MAPKAPK5: variants seen among roughly 807,000 people sequenced by gnomAD.
MAPKAPK5 encodes MAP kinase-activated protein kinase 5.
Under a neutral mutation model 65.1 loss-of-function variants are expected in MAPKAPK5, and 30 were observed. The ratio of observed to expected loss-of-function variants is 0.46; its 90% confidence interval spans 0.34 to 0.63. MAPKAPK5 has a LOEUF of 0.63. MAPKAPK5 is among the 20% of genes least tolerant of loss of function. MAPKAPK5 has a pLI of 0.01. For synonymous variants in MAPKAPK5, 179 were observed against 204.6 expected (o/e 0.87, Z 1.07); for missense variants, 433 against 581.4 (o/e 0.74, Z 2.63).
At chr12:111,863,756 G>A (rs1436402504) in intron 1 of MAPKAPK5, among the ~76,000 whole-genome samples, 4 of 151,902 alleles carry the variant, frequency 2.6e-5, no homozygotes, top group Admixed American at 2.0e-4. Context: ...ACAGGCATGC[G>A]CCACCATGCC....
rs2070920497 is a variant in MAPKAPK5, at chr12:111,898,942, G to GAGTT, written c.*5883_*5886dup. 6.6e-6 allele frequency: 1 copy of GAGTT among 152,076 alleles called. No individual in the cohort carries two copies. Among genetic ancestry groups the GAGTT allele is most frequent in the Non-Finnish European group, 1.5e-5 (1 of 68,052 alleles). 9.4% of individuals were successfully genotyped at this position (152,076 alleles called of 1,614,324 possible). On this transcript the variant is annotated 3_prime_UTR_variant, in exon 14 of 14. Coordinates refer to ENST00000550735, the MANE Select transcript of MAPKAPK5 (RefSeq NM_003668.4). ...GAGGATAAAGAATAATTTGCCTGAGGAGTTACAGTACTGGCTGGATCACTA... is the reference window on the plus strand; with the variant it reads ...GAGGATAAAGAATAATTTGCCTGAGGAGTTAGTTACAGTACTGGCTGGATCACTA...
rs998925798 is a variant in MAPKAPK5, at chr12:111,900,035, A to G, written c.*6974A>G. 9 of 455,988 alleles carry G rather than the reference A, an allele frequency of 2.0e-5. No individual in the cohort carries two copies. The highest frequency in any genetic ancestry group is 4.0e-5 in the Non-Finnish European group (9 of 226,816). 28.2% of individuals were successfully genotyped at this position (455,988 alleles called of 1,614,324 possible). A position where few individuals can be genotyped will look rare whatever the true frequency, so the allele number is the denominator to read the frequency against. The stretch of plus-strand genomic sequence containing the variant: ...GTAACGTCAATGAGACGGTCCAGAC[A>G]GTAGTGGATGTCATTGCTCTGGCCA... On this transcript the variant is annotated 3_prime_UTR_variant, in exon 14 of 14. Transcript: ENST00000550735.
intron 7 of MAPKAPK5, among the ~76,000 whole-genome samples, chr12:111,875,778 G>C (rs970446966): frequency 6.6e-6 from 1 of 152,126 alleles, no homozygotes; most frequent in African/African-American, 2.4e-5. Flanking sequence ...TTACCCAAAT[G>C]GCATGTGATA....
chr12:111,868,938 G>T, intron 5 of MAPKAPK5, 77 bp downstream of exon 5: 1 of 1,118,208 alleles, frequency 8.9e-7, no homozygotes, highest in South Asian at 1.4e-5. Context: ...GGGAAGAAAA[G>T]AAAACTTAAA....
intron 1 of MAPKAPK5, among the ~76,000 whole-genome samples, chr12:111,857,914 T>A (rs2069298173): frequency 6.6e-6 from 1 of 151,966 alleles, no homozygotes; most frequent in African/African-American, 2.4e-5. Context: ...TGTGTGTGTG[T>A]GTGAGACAGG....
chr12:111,876,798 T>C (rs1000780130), intron 7 of MAPKAPK5, among the ~76,000 whole-genome samples: 77 of 152,126 alleles, frequency 5.1e-4, no homozygotes, highest in African/African-American at 1.8e-3. Context: ...CCTTCTGATA[T>C]ATACTCAATA....
chr12:111,854,540 G>T (rs1012759438), intron 1 of MAPKAPK5, among the ~76,000 whole-genome samples: 1 of 151,290 alleles, frequency 6.6e-6, no homozygotes, highest in Non-Finnish European at 1.5e-5. Context: ...TGCTCGGCCA[G>T]TAATGATTTT....
chr12:111,867,736 CT>C, intron 4 of MAPKAPK5, 67 bp downstream of exon 4: 1 of 1,167,704 alleles, frequency 8.6e-7, no homozygotes, highest in Non-Finnish European at 1.3e-6. Flanking sequence ...GCTGTCCTCT[CT>C]TTTATGTGCT....
Position 111,900,975 on chromosome 12 carries a change from A to G in MAPKAPK5, c.*7914A>G, listed in dbSNP as rs1385422276. ...AGGGGACCAATTTGGAAACTGTGGC[A>G]TTTCTACCAGTCCTGGGTCACAATA... On this transcript the variant is annotated 3_prime_UTR_variant, in exon 14 of 14. Transcript: ENST00000550735. The G allele has an allele frequency of 6.6e-6, 3 of 455,968 alleles. No individual in the cohort carries two copies. Among genetic ancestry groups the G allele is most frequent in the Non-Finnish European group, 1.3e-5 (3 of 226,808 alleles). 28.2% of individuals were successfully genotyped at this position (455,968 alleles called of 1,614,324 possible). A position where few individuals can be genotyped will look rare whatever the true frequency, so the allele number is the denominator to read the frequency against.
chr12:111,894,546 G>GT lies in MAPKAPK5; in HGVS notation c.*1496dup, dbSNP rs531065901. On this transcript the variant is annotated 3_prime_UTR_variant, in exon 14 of 14. Coordinates refer to ENST00000550735, the MANE Select transcript of MAPKAPK5 (RefSeq NM_003668.4). ...TATCATGTAAGATGATCCAGTTTTG[G>GT]TTTTTTTTTTTATAAGGCTGCCCTG... is the stretch of plus-strand genomic sequence containing the variant. 1,311 of 145,500 alleles carry GT rather than the reference G, an allele frequency of 9.0e-3. 16 individuals are homozygous for GT. The highest frequency in any genetic ancestry group is 0.028 in the African/African-American group (1,121 of 40,022). 9.0% of individuals were successfully genotyped at this position (145,500 alleles called of 1,614,324 possible).
chr12:111,900,146 G>A lies in MAPKAPK5; in HGVS notation c.*7085G>A. On this transcript the variant is annotated 3_prime_UTR_variant, in exon 14 of 14. Transcript: ENST00000550735. Reference sequence around the variant, plus strand: ...AGGGGGACCTAATAGATGTCACAGTGGACTTGCAAATCACACTCAGGAATT... The same window carrying A: ...AGGGGGACCTAATAGATGTCACAGTAGACTTGCAAATCACACTCAGGAATT... The A allele has an allele frequency of 2.2e-6, 1 of 456,000 alleles. No individual in the cohort carries two copies. Among genetic ancestry groups the A allele is most frequent in the Non-Finnish European group, 4.4e-6 (1 of 226,768 alleles). The allele number at this position is 456,000 out of a possible 1,614,324, so 28.2% of individuals were successfully genotyped here. A position where few individuals can be genotyped will look rare whatever the true frequency, so the allele number is the denominator to read the frequency against.
In MAPKAPK5 at chr12:111,899,626, A is replaced by AT; in HGVS notation, c.*6566dup. ...AAGGTGAAGAGAAACCATTTTGTGAATAACTTTCCAGTCTACAGTTACCAC... is the reference window on the plus strand; with the variant it reads ...AAGGTGAAGAGAAACCATTTTGTGAATTAACTTTCCAGTCTACAGTTACCAC... On this transcript the variant is annotated 3_prime_UTR_variant, in exon 14 of 14. Coordinates refer to ENST00000550735, the MANE Select transcript of MAPKAPK5 (RefSeq NM_003668.4). The AT allele has an allele frequency of 3.8e-6, 1 of 261,524 alleles. No homozygotes were observed. Among genetic ancestry groups the AT allele is most frequent in the South Asian group, 4.2e-5 (1 of 23,658 alleles). 16.2% of individuals were successfully genotyped at this position (261,524 alleles called of 1,614,324 possible).
intron 1 of MAPKAPK5, chr12:111,843,109 A>G: frequency 5.0e-6 from 2 of 398,704 alleles, no homozygotes; most frequent in Non-Finnish European, 8.8e-6. Flanking sequence ...CAAGGCCGCC[A>G]GCATTTGCTT....
At position 111,893,885 on chromosome 12, in the gene MAPKAPK5, T is replaced by A. The variant is rs1487512459; in HGVS notation, c.*824T>A. 6.6e-6 allele frequency: 1 copy of A among 151,338 alleles called. No individual in the cohort carries two copies. 9.4% of individuals were successfully genotyped at this position (151,338 alleles called of 1,614,324 possible). On this transcript the variant is annotated 3_prime_UTR_variant, in exon 14 of 14. Transcript: ENST00000550735. Reference sequence around the variant, plus strand: ...TGCCCGCCACCACGCCTGGCTAATTTTTGTATTTTTAGTAGAGACAGGGTT... The same window carrying A: ...TGCCCGCCACCACGCCTGGCTAATTATTGTATTTTTAGTAGAGACAGGGTT...
chr12:111,848,344 CTT>C (rs2068965095), intron 1 of MAPKAPK5, among the ~76,000 whole-genome samples: 2 of 150,968 alleles, frequency 1.3e-5, no homozygotes, highest in African/African-American at 4.9e-5. Flanking sequence ...TGTTGGACAT[CTT>C]TTTGTGTGCA....
rs1410910991 is a variant in MAPKAPK5 at position 111,899,139 on chromosome 12, A to T, written c.*6078A>T. On this transcript the variant is annotated 3_prime_UTR_variant, in exon 14 of 14. Transcript: ENST00000550735. Reference sequence around the variant, plus strand: ...CTGTAAGAATCAGAGTTGGGCAAGAACTGCCAATAAGGGAGCCAGCGTAGA... The same window carrying T: ...CTGTAAGAATCAGAGTTGGGCAAGATCTGCCAATAAGGGAGCCAGCGTAGA... 6.6e-6 allele frequency: 1 copy of T among 152,266 alleles called. No homozygotes were observed. Among genetic ancestry groups the T allele is most frequent in the African/African-American group, 2.4e-5 (1 of 41,462 alleles). The allele number at this position is 152,266 out of a possible 1,614,324, so 9.4% of individuals were successfully genotyped here.
Position 111,901,989 on chromosome 12 carries a change from T to TA in MAPKAPK5, c.*8929dup, listed in dbSNP as rs779389061. ...CCTTGTCTTTTTGGCCCAATTGTTT[T>TA]AGTCACCAGAAACTTTTTCAGGACA... On this transcript the variant is annotated 3_prime_UTR_variant, in exon 14 of 14. Coordinates refer to ENST00000550735, the MANE Select transcript of MAPKAPK5 (RefSeq NM_003668.4). 4 of 152,604 alleles carry TA rather than the reference T, an allele frequency of 2.6e-5. No homozygotes were observed. Among genetic ancestry groups the TA allele is most frequent in the Non-Finnish European group, 5.9e-5 (4 of 68,356 alleles). 9.5% of individuals were successfully genotyped at this position (152,604 alleles called of 1,614,324 possible). A position where few individuals can be genotyped will look rare whatever the true frequency, so the allele number is the denominator to read the frequency against.
At position 111,883,634 on chromosome 12, in the gene MAPKAPK5, C is replaced by T. The variant is rs1333570869; in HGVS notation, c.714C>T (p.Tyr238=). ...TTATCTATGTGATGCTGTGCGGATA[C>T]CCTCCTTTTTACTCCAAACACCACA... The part of the protein sequence containing the change: ...GVIIYVMLCG[Y]PPFYSKHHSR... The change falls in exon 9 of 14, where the codon TAC becomes TAT. Residue 238 remains tyrosine (Y), a synonymous_variant. Coordinates refer to ENST00000550735, the MANE Select transcript of MAPKAPK5 (RefSeq NM_003668.4). This position sits in a 1 kb window ranked among gnomAD's most constrained non-coding sequence, Gnocchi z 4.8. 6.2e-7 allele frequency: 1 copy of T among 1,613,870 alleles called. No individual in the cohort carries two copies. The highest frequency in any genetic ancestry group is 1.1e-5 in the South Asian group (1 of 91,080).
At chr12:111,880,318 G>T (rs1317467727) in intron 7 of MAPKAPK5, 129 bp from the exon 8 acceptor site, 6 of 736,216 alleles carry the variant, frequency 8.1e-6, no homozygotes, top group Non-Finnish European at 1.2e-5. Flanking sequence ...TAGTGTTTAT[G>T]TGGAGTTTTT....
Sources: gnomAD v4.1 joint callset for allele counts (sites outside exome capture counted in the v4.1 genomes callset) on GRCh38, gnomAD v4.1.1 for gene constraint, Gnocchi (gnomAD v3.1) non-coding constraint, MANE v1.5 for transcripts, NCBI Gene and HGNC (gene_info 2026-07-23, HGNC 2026-07-21) for gene names.